Variants in FSTL1 observed in about 807,000 individuals in gnomAD.
The protein encoded by FSTL1 is follistatin-related protein 1.
A neutral mutation model predicts 45.9 loss-of-function variants in FSTL1; 24 were observed. That is an observed-to-expected ratio of 0.52 (90% confidence interval 0.38 to 0.74). The LOEUF (loss-of-function observed/expected upper bound fraction) is 0.74. Ranked by LOEUF, FSTL1 falls within the 30% of genes least tolerant of loss-of-function variation. The pLI, the probability that FSTL1 is intolerant of heterozygous loss-of-function variation, is 0.00. For synonymous variants in FSTL1, 120 were observed against 137.6 expected (o/e 0.87, Z 0.89); for missense variants, 340 against 381.8 (o/e 0.89, Z 0.91).
intron 2 of FSTL1, among the ~76,000 whole-genome samples, chr3:120,426,609 A>C (rs1937384498): frequency 6.6e-6 from 1 of 152,122 alleles, no homozygotes; most frequent in African/African-American, 2.4e-5. Flanking sequence ...CTGAGCTGGA[A>C]CAGTACCCCC....
intron 2 of FSTL1, among the ~76,000 whole-genome samples, chr3:120,433,472 C>A (rs1462685861): frequency 6.6e-6 from 1 of 152,172 alleles, no homozygotes; most frequent in African/African-American, 2.4e-5. Context: ...CCTTATTAAT[C>A]CATTTAGCTA....
intron 2 of FSTL1, among the ~76,000 whole-genome samples, chr3:120,429,781 A>G (rs1284427002): frequency 6.6e-6 from 1 of 152,202 alleles, no homozygotes; most frequent in Non-Finnish European, 1.5e-5. Context: ...GCCTCAGCAG[A>G]TGGGACCATC....
rs1429168694 is a variant in FSTL1 at position 120,412,838 on chromosome 3, G to GCGCGCGCGCACACA, written c.169-856_169-855insTGTGTGCGCGCGCG. On this transcript the variant is annotated intron_variant, in intron 3 of 10. Transcript: ENST00000295633. ...CACATGTGCGCGCGCGCGCGCGCGC[G>GCGCGCGCGCACACA]CACACACACACACACACACACACAC... 3.8e-5 allele frequency among the ~76,000 whole-genome samples: 4 copies of GCGCGCGCGCACACA among 106,192 alleles called. No individual in the cohort carries two copies. In the East Asian group the frequency reaches 9.1e-4, roughly 24 times the overall value. The allele number at this position is 106,192 out of a possible 152,430, so 69.7% of individuals were successfully genotyped here.
At chr3:120,446,958 T>G (rs1576230268) in intron 2 of FSTL1, among the ~76,000 whole-genome samples, 1 of 152,170 alleles carries the variant, frequency 6.6e-6, no homozygotes, top group South Asian at 2.1e-4. Context: ...CAGTTAACTG[T>G]ACATGTGACT....
At chr3:120,417,262 G>A (rs1458669392) in intron 2 of FSTL1, among the ~76,000 whole-genome samples, 1 of 152,100 alleles carries the variant, frequency 6.6e-6, no homozygotes, top group African/African-American at 2.4e-5. Context: ...TATAGTTGGT[G>A]AATGTTTTAT....
intron 10 of FSTL1, among the ~76,000 whole-genome samples, chr3:120,398,828 G>A (rs896163579): frequency 2.0e-5 from 3 of 152,164 alleles, no homozygotes; most frequent in Admixed American, 6.5e-5. Flanking sequence ...TATTCTAGAC[G>A]AAAGTAATTC....
intron 2 of FSTL1, among the ~76,000 whole-genome samples, chr3:120,439,363 C>T (rs1437670429): frequency 6.6e-6 from 1 of 152,144 alleles, no homozygotes; most frequent in Non-Finnish European, 1.5e-5. Context: ...CTGACTTGTG[C>T]AACAGCCCAA....
chr3:120,432,274 A>T (rs1937490647), intron 2 of FSTL1, among the ~76,000 whole-genome samples: 1 of 152,214 alleles, frequency 6.6e-6, no homozygotes, highest in Non-Finnish European at 1.5e-5. Context: ...GTCAATGAAA[A>T]CATGCACATT....
At chr3:120,446,616 G>C (rs1937747704) in intron 2 of FSTL1, among the ~76,000 whole-genome samples, 2 of 152,196 alleles carry the variant, frequency 1.3e-5, no homozygotes, top group African/African-American at 4.8e-5. Context: ...TTTTAGCTTT[G>C]TTAATAATAC....
Position 120,403,979 on chromosome 3 carries a change from A to C in FSTL1, c.582-625T>G, listed in dbSNP as rs1423578837. ...AACAAAACAAAAACAAAAACAAAAA[A>C]AAACAAAAAACAAAACAAACAAAAA... On this transcript the variant is annotated intron_variant, in intron 7 of 10. Transcript: ENST00000295633. 8.0e-3 allele frequency among the ~76,000 whole-genome samples: 1,057 copies of C among 132,062 alleles called. 21 individuals are homozygous for C. The highest frequency in any genetic ancestry group is 0.011 in the Non-Finnish European group (678 of 61,360). The allele number at this position is 132,062 out of a possible 152,430, so 86.6% of individuals were successfully genotyped here.
At chr3:120,449,174 C>T (rs1449524542) in intron 2 of FSTL1, among the ~76,000 whole-genome samples, 3 of 152,210 alleles carry the variant, frequency 2.0e-5, no homozygotes, top group Non-Finnish European at 2.9e-5. Context: ...AGGTTCAGAT[C>T]CTGCTTCAGA....
intron 2 of FSTL1, among the ~76,000 whole-genome samples, chr3:120,450,329 A>G (rs1218579316): frequency 6.6e-6 from 1 of 151,832 alleles, no homozygotes; most frequent in Non-Finnish European, 1.5e-5. Context: ...GTCCCCAACT[A>G]CTCTCAGTCT....
chr3:120,414,095 C>T (rs949234789), intron 3 of FSTL1, among the ~76,000 whole-genome samples: 7 of 151,986 alleles, frequency 4.6e-5, no homozygotes. Context: ...CAATGGTGCC[C>T]AGGCTGGAGT....
intron 2 of FSTL1, among the ~76,000 whole-genome samples, chr3:120,428,317 A>G (rs887844763): frequency 6.6e-6 from 1 of 152,210 alleles, no homozygotes; most frequent in African/African-American, 2.4e-5. Flanking sequence ...ATGCCCAACC[A>G]AGAGGTGAGA....
chr3:120,422,504 C>CT (rs1385245417), intron 2 of FSTL1, among the ~76,000 whole-genome samples: 1 of 152,088 alleles, frequency 6.6e-6, no homozygotes, highest in Non-Finnish European at 1.5e-5. Flanking sequence ...AATAAAGCTG[C>CT]TTAAAAATAA....
chr3:120,399,692 C>T (rs1266857397), intron 10 of FSTL1, among the ~76,000 whole-genome samples, 191 bp downstream of exon 10: 1 of 152,188 alleles, frequency 6.6e-6, no homozygotes, highest in Non-Finnish European at 1.5e-5. Context: ...ACCTACTGGG[C>T]CCTGTGAGGA....
intron 2 of FSTL1, among the ~76,000 whole-genome samples, chr3:120,425,726 T>C (rs915615205): frequency 1.3e-5 from 2 of 152,208 alleles, no homozygotes; most frequent in Non-Finnish European, 2.9e-5. Flanking sequence ...AAAGTGGTTA[T>C]GTATACAGTC....
chr3:120,401,975 G>A (rs1936836164), intron 9 of FSTL1, among the ~76,000 whole-genome samples: 1 of 152,154 alleles, frequency 6.6e-6, no homozygotes, highest in African/African-American at 2.4e-5. Context: ...ACCCTTCTCT[G>A]TCTTGCCTCC....
At position 120,395,699 on chromosome 3, in the gene FSTL1, A is replaced by G. The variant is rs773053056; in HGVS notation, c.*1253T>C. 1 of 534,708 alleles carries G rather than the reference A, an allele frequency of 1.9e-6. No individual in the cohort carries two copies. 33.1% of individuals were successfully genotyped at this position (534,708 alleles called of 1,614,324 possible). ...ATTCTATAGAGAAGAAGGAAAAATC[A>G]CAGGAACCTATCTCCCCTCTGGACC... On this transcript the variant is annotated 3_prime_UTR_variant, in exon 11 of 11. Transcript: ENST00000295633.
Sources: gnomAD v4.1 joint callset for allele counts (sites outside exome capture counted in the v4.1 genomes callset) on GRCh38, gnomAD v4.1.1 for gene constraint, MANE v1.5 for transcripts, NCBI Gene and HGNC (gene_info 2026-07-23, HGNC 2026-07-21) for gene names.